WDR62: variants seen among roughly 807,000 people sequenced by gnomAD.
WDR62 encodes the protein WD repeat-containing protein 62.
Under a neutral mutation model 160.6 loss-of-function variants are expected in WDR62, and 112 were observed. The observed-to-expected ratio is 0.70, with a 90% CI of 0.60 to 0.82. The LOEUF is 0.82. Among genes scored for constraint, WDR62 ranks in the 40% least tolerant of loss-of-function variants. The probability of loss-of-function intolerance (pLI) is 0.00; values close to 1 mark genes in which losing one functional copy is unlikely to be tolerated. For missense variants in WDR62, 1,819 were observed against 1,983.8 expected (o/e 0.92, Z 1.58); for synonymous variants, 792 against 815.1 (o/e 0.97, Z 0.48).
chr19:36,055,250 C>A, intron 1 of WDR62, 102 bp downstream of exon 1: 3 of 1,355,480 alleles, frequency 2.2e-6, no homozygotes, highest in Non-Finnish European at 2.0e-6. Flanking sequence ...CCGGCCAGTC[C>A]CCTCAGGTTG....
chr19:36,089,690 C>T (rs1410022866), intron 15 of WDR62, among the ~76,000 whole-genome samples: 3 of 152,208 alleles, frequency 2.0e-5, no homozygotes, highest in Admixed American at 2.0e-4. Context: ...TGATATTGCC[C>T]ACCTCAGCCT....
chr19:36,085,517 T>C (rs977564837), intron 12 of WDR62, among the ~76,000 whole-genome samples: 4 of 148,604 alleles, frequency 2.7e-5, no homozygotes, highest in African/African-American at 9.9e-5. Context: ...GCCTCCCAGG[T>C]TGAAGCGATT....
chr19:36,073,733 C>T, intron 9 of WDR62: 1 of 663,982 alleles, frequency 1.5e-6, no homozygotes, highest in South Asian at 1.5e-5. Flanking sequence ...AACCTGGAAA[C>T]ATCATCAGTG....
At chr19:36,075,798 G>A (rs1036661895) in intron 9 of WDR62, among the ~76,000 whole-genome samples, 2 of 152,186 alleles carry the variant, frequency 1.3e-5, no homozygotes, top group Non-Finnish European at 2.9e-5. Flanking sequence ...ATTGAGGGTT[G>A]CAATATGGTG....
chr19:36,103,582 C>T lies in WDR62; in HGVS notation c.3754C>T (p.Pro1252Ser). 1.2e-6 allele frequency: 2 copies of T among 1,613,670 alleles called. No homozygotes were observed. The highest frequency in any genetic ancestry group is 1.7e-6 in the Non-Finnish European group (2 of 1,180,030). Reference sequence around the variant, plus strand: ...CACACTGGCCCAGCCCCTCCGTAGGCCATCGTCCGTTGGGGAGCTGGCCTC... The same window carrying T: ...CACACTGGCCCAGCCCCTCCGTAGGTCATCGTCCGTTGGGGAGCTGGCCTC... ...VATLAQPLRR[P>S]SSVGELASLG... The change falls in exon 30 of 32, where the codon CCA (proline) becomes TCA (serine). Residue 1252 changes from proline to serine, a missense_variant. Pro to Ser is a moderately conservative substitution (Grantham distance 74). Around this residue, in one of 3 missense-constraint regions of WDR62, gnomAD observed 770 missense variants for 734.2 expected, o/e 1.05. Transcript: ENST00000401500.
intron 2 of WDR62, among the ~76,000 whole-genome samples, chr19:36,059,589 G>A (rs1263952379): frequency 6.6e-6 from 1 of 152,070 alleles, no homozygotes; most frequent in African/African-American, 2.4e-5. Context: ...ACAGGCACAT[G>A]CCACCACAGC....
Position 36,105,009 on chromosome 19 carries a change from G to C in WDR62, c.4553G>C (p.Arg1518Thr), listed in dbSNP as rs755052218. The C allele has an allele frequency of 7.7e-5, 124 of 1,600,286 alleles. No individual in the cohort carries two copies. The highest frequency in any genetic ancestry group is 1.0e-4 in the Non-Finnish European group (118 of 1,177,634). Residue 1518 changes from arginine to threonine, a missense_variant, in exon 32 of 32, where the codon AGG becomes ACG. Transcript: ENST00000401500. ...GAGCTGCTGGTGCAGGCCGTGCGGA[G>C]GAAGGCACGGGGGCACTGAGGGCGC... The part of the protein sequence containing the change: ...YSELLVQAVR[R>T]KARGH
intron 1 of WDR62, among the ~76,000 whole-genome samples, chr19:36,058,468 C>T (rs1970477447): frequency 6.6e-6 from 1 of 152,276 alleles, no homozygotes; most frequent in African/African-American, 2.4e-5. Flanking sequence ...CTCTTGCACC[C>T]ATCATTACTT....
intron 20 of WDR62, among the ~76,000 whole-genome samples, chr19:36,095,913 C>T (rs1037140060): frequency 3.9e-5 from 6 of 152,296 alleles, no homozygotes; most frequent in African/African-American, 7.2e-5. Context: ...CAGACGCCTG[C>T]GAAATTTTAA....
the WDR62 span, among the ~76,000 whole-genome samples, chr19:36,110,949 G>C: frequency 1.3e-5 from 2 of 152,034 alleles, no homozygotes; most frequent in African/African-American, 4.8e-5. Context: ...GGCTCTGCTT[G>C]GTGGTCCTAG....
At position 36,058,853 on chromosome 19, in the gene WDR62, A is replaced by T. The variant is rs1438401362; in HGVS notation, c.251A>T (p.His84Leu). ...CTAACCTGTGACCCCGGCACAGGCC[A>T]TGTGGCCTACCTGGCAGGGTAAGCA... ...SGLTCDPGTGHVAYLAGCVVV... is the reference protein window; with the variant it reads ...SGLTCDPGTGLVAYLAGCVVV... Residue 84 changes from histidine (H) to leucine (L), a missense_variant, in exon 2 of 32, where the codon CAT becomes CTT. His to Leu is a moderately conservative substitution (Grantham distance 99). Around this residue, in one of 3 missense-constraint regions of WDR62, gnomAD observed 934 missense variants for 1,157.2 expected, o/e 0.81. Transcript: ENST00000401500. The T allele has an allele frequency of 1.9e-6, 3 of 1,614,070 alleles. No individual in the cohort carries two copies. The highest frequency in any genetic ancestry group is 2.5e-6 in the Non-Finnish European group (3 of 1,179,998).
chr19:36,079,829 G>A (rs891351302), intron 9 of WDR62, among the ~76,000 whole-genome samples: 2 of 152,122 alleles, frequency 1.3e-5, no homozygotes, highest in African/African-American at 4.8e-5. Flanking sequence ...GGGGTTTATG[G>A]GAGTATTTTG....
At chr19:36,094,274 C>T (rs1599826230) in intron 20 of WDR62, 110 bp downstream of exon 20, 2 of 1,426,512 alleles carry the variant, frequency 1.4e-6, no homozygotes, top group South Asian at 2.3e-5. Context: ...CAGGAGTCGA[C>T]AGGGTGCGGT....
rs3746269 is a variant in WDR62 at position 36,101,758 on chromosome 19, G to A, written c.3066G>A (p.Ser1022=). The change falls in exon 25 of 32, where the codon TCG becomes TCA. Residue 1022 remains serine (S), a synonymous_variant. Coordinates refer to ENST00000401500, the MANE Select transcript of WDR62 (RefSeq NM_001083961.2). The part of the protein sequence containing the change: ...PPDPAPRFAT[S]LPHFPGCAGP... ...ACCCTGCCCCTCGGTTTGCCACGTC[G>A]CTGCCCCATTTCCCAGGTAAGCAGG... The A allele has an allele frequency of 1.5e-5, 24 of 1,551,758 alleles. No homozygotes were observed. Among genetic ancestry groups the A allele is most frequent in the African/African-American group, 8.2e-5 (6 of 73,036 alleles).
chr19:36,057,179 C>T (rs548960014), intron 1 of WDR62, among the ~76,000 whole-genome samples: 7 of 152,292 alleles, frequency 4.6e-5, no homozygotes, highest in Admixed American at 3.9e-4. Context: ...ATGTAGAAAT[C>T]TCTCATAGGG....
At chr19:36,087,244 C>T (rs1972296265) in intron 13 of WDR62, among the ~76,000 whole-genome samples, 1 of 151,970 alleles carries the variant, frequency 6.6e-6, no homozygotes, top group African/African-American at 2.4e-5. Context: ...CCATGGCTCA[C>T]ACCTGTAATC....
At chr19:36,073,565 GGCCTCTGCACA>G (rs755156903) in intron 9 of WDR62, 34 bp downstream of exon 9, 249 of 1,550,046 alleles carry the variant, frequency 1.6e-4, no homozygotes, top group Non-Finnish European at 2.1e-4. Flanking sequence ...GCCCCTGCTT[GGCCTCTGCACA>G]GTTCCCCACA....
intron 9 of WDR62, among the ~76,000 whole-genome samples, chr19:36,078,647 C>T (rs1971716154): frequency 6.6e-6 from 1 of 151,508 alleles, no homozygotes; most frequent in African/African-American, 2.4e-5. Flanking sequence ...CCAGCCTGGC[C>T]AACATGGCAA....
rs554430285 is a variant in WDR62 at position 36,086,533 on chromosome 19, G to A, written c.1643-154G>A. Among the ~76,000 whole-genome samples the A allele has an allele frequency of 7.9e-5, 12 of 152,276 alleles. No individual in the cohort carries two copies. The East Asian group carries it at 2.1e-3, about 27-fold the overall frequency. On this transcript the variant is annotated intron_variant, in intron 12 of 31. Transcript: ENST00000401500. ...TGGGAAAGACCACACAGAGCTAAGG[G>A]AGTGGCCCTTGCCAGGCTTGGGCCA...
Sources: allele counts gnomAD v4.1 joint callset (sites outside exome capture counted in the v4.1 genomes callset), GRCh38; gene constraint gnomAD v4.1.1; regional missense constraint gnomAD v4.1.1; transcripts MANE v1.5; gene names NCBI Gene and HGNC (gene_info 2026-07-23, HGNC 2026-07-21).